Variants in SCYL1 observed in about 807,000 individuals in gnomAD.
SCYL1 encodes the protein N-terminal kinase-like protein.
Under a neutral mutation model 94.8 loss-of-function variants are expected in SCYL1, and 85 were observed. The ratio of observed to expected loss-of-function variants is 0.90; its 90% CI spans 0.75 to 1.07. SCYL1 has a LOEUF of 1.07. Ranked by LOEUF, SCYL1 falls within the 50% of genes least tolerant of loss-of-function variation. The probability of loss-of-function intolerance (pLI) is 0.00; values close to 1 mark genes in which losing one functional copy is unlikely to be tolerated. For synonymous variants in SCYL1, 459 were observed against 435.5 expected, an observed-to-expected ratio of 1.05 and a Z score of -0.67; for missense variants, 968 against 1,083.3, an observed-to-expected ratio of 0.89 and a Z score of 1.49.
intron 13 of SCYL1, 27 bp from the exon 14 acceptor site, chr11:65,536,959 A>G (rs1304388324): frequency 6.3e-7 from 1 of 1,595,610 alleles, no homozygotes; most frequent in African/African-American, 1.3e-5. Flanking sequence ...GACCCCCCTG[A>G]AAGCTCAGTG....
chr11:65,525,358 C>A, intron 1 of SCYL1, 94 bp downstream of exon 1: 1 of 1,127,588 alleles, frequency 8.9e-7, no homozygotes. Flanking sequence ...CCTGACGTGG[C>A]GGCGGAACCA....
chr11:65,528,003 G>C (rs954134785), intron 6 of SCYL1, among the ~76,000 whole-genome samples: 2 of 152,206 alleles, frequency 1.3e-5, no homozygotes, highest in Non-Finnish European at 2.9e-5. Context: ...GTAACACCCT[G>C]TACTGGCTGC....
rs1226628832 is a variant in SCYL1, at chr11:65,525,105, C to A, written c.-49C>A. 7.3e-6 allele frequency: 9 copies of A among 1,236,504 alleles called. No individual in the cohort carries two copies. In the African/African-American group the frequency reaches 8.0e-5, roughly 11 times the overall value. The allele number at this position is 1,236,504 out of a possible 1,614,324, so 76.6% of individuals were successfully genotyped here. A position where few individuals can be genotyped will look rare whatever the true frequency, so the allele number is the denominator to read the frequency against. ...TCCGCCCCGCCCCGGCTCGGGCGGC[C>A]GGAGGACCCGGAGCTAAGGCGCCCG... On this transcript the variant is annotated 5_prime_UTR_variant, in exon 1 of 18. Transcript: ENST00000270176.
At chr11:65,533,693 TAGCTTGAGCCCAGG>T (rs1271762875) in intron 9 of SCYL1, among the ~76,000 whole-genome samples, 3 of 152,118 alleles carry the variant, frequency 2.0e-5, no homozygotes, top group African/African-American at 7.2e-5. Context: ...GGCAGGTAGG[TAGCTTGAGCCCAGG>T]AGGTTGAGGC....
intron 8 of SCYL1, among the ~76,000 whole-genome samples, chr11:65,532,363 T>G (rs1403310585): frequency 6.6e-6 from 1 of 151,252 alleles, no homozygotes; most frequent in Non-Finnish European, 1.5e-5. Context: ...AGGCAGAGGT[T>G]TCAGTGAGCT....
chr11:65,536,147 G>T lies in SCYL1; in HGVS notation c.1575+6G>T. On this transcript the variant is annotated splice_donor_region_variant and intron_variant, in intron 11 of 17. Coordinates refer to ENST00000270176, the MANE Select transcript of SCYL1 (RefSeq NM_020680.4). Reference sequence around the variant, plus strand: ...AGAAATCCGTGCGAGACCAGGTGAGGCACAGCTGGGCCTGGGCCCTGGGCT... The same window carrying T: ...AGAAATCCGTGCGAGACCAGGTGAGTCACAGCTGGGCCTGGGCCCTGGGCT... The T allele has an allele frequency of 6.2e-7, 1 of 1,611,902 alleles. No individual in the cohort carries two copies. The highest frequency in any genetic ancestry group is 8.5e-7 in the Non-Finnish European group (1 of 1,178,558).
At chr11:65,537,319 C>T (rs1445127766) in intron 14 of SCYL1, among the ~76,000 whole-genome samples, 191 bp downstream of exon 14, 1 of 152,202 alleles carries the variant, frequency 6.6e-6, no homozygotes, top group Non-Finnish European at 1.5e-5. Context: ...CCCAGCGGCC[C>T]CAGGGAGCAG....
At chr11:65,536,193 C>T in intron 11 of SCYL1, 52 bp downstream of exon 11, 1 of 1,605,416 alleles carries the variant, frequency 6.2e-7, no homozygotes, top group South Asian at 1.1e-5. Flanking sequence ...GGGATGTCAG[C>T]CCCTAGCTGG....
intron 7 of SCYL1, 112 bp from the exon 8 acceptor site, chr11:65,531,464 C>T (rs183677170): frequency 1.2e-5 from 9 of 757,798 alleles, no homozygotes; most frequent in Non-Finnish European, 1.8e-5. Flanking sequence ...CTGCCCCCCC[C>T]TCCGCCATCA....
chr11:65,536,555 A>C (rs1855652587), intron 12 of SCYL1, 31 bp from the exon 13 acceptor site: 8 of 1,612,632 alleles, frequency 5.0e-6, no homozygotes, highest in Non-Finnish European at 6.8e-6. Flanking sequence ...TGACGTGCCC[A>C]TACCCACCTC....
chr11:65,525,405 A>G (rs1194996477), intron 1 of SCYL1, 141 bp downstream of exon 1: 3 of 1,049,628 alleles, frequency 2.9e-6, no homozygotes, highest in African/African-American at 3.3e-5. Context: ...GGCAGTGCCT[A>G]CGTGGCGGGC....
intron 17 of SCYL1, 23 bp downstream of exon 17, chr11:65,538,347 C>A: frequency 1.3e-6 from 2 of 1,543,228 alleles, no homozygotes; most frequent in African/African-American, 2.7e-5. Flanking sequence ...CCTGGGTGGG[C>A]TGAAGACTAG....
chr11:65,531,465 T>C (rs1366557190), intron 7 of SCYL1, 111 bp from the exon 8 acceptor site: 13 of 741,256 alleles, frequency 1.8e-5, no homozygotes, highest in Non-Finnish European at 2.6e-5. Context: ...TGCCCCCCCC[T>C]CCGCCATCAC....
rs776829093 is a variant in SCYL1 at position 65,531,683 on chromosome 11, G to C, written c.1116G>C (p.Gln372His). 4 of 1,609,792 alleles carry C rather than the reference G, an allele frequency of 2.5e-6. No homozygotes were observed. In the South Asian group the frequency reaches 4.4e-5, roughly 18 times the overall value. Residue 372 changes from glutamine to histidine, a missense_variant and splice_region_variant, in exon 8 of 18, where the codon CAG becomes CAC. Physicochemically the swap from Gln to His is conservative, Grantham distance 24. Around this residue, in one of 2 missense-constraint regions of SCYL1, gnomAD observed 494 missense variants for 619.7 expected, o/e 0.80. Coordinates refer to ENST00000270176, the MANE Select transcript of SCYL1 (RefSeq NM_020680.4). ...CCATGCGCATCCGCCTCCTGCAGCA[G>C]GTGAGGCCTCTGTACCAGACTCTGT... ...DRAMRIRLLQ[Q>H]MEQFIQYLDE... is the part of the protein sequence containing the mutation.
At chr11:65,535,815 C>A (rs1855608123) in intron 10 of SCYL1, 138 bp from the exon 11 acceptor site, 1 of 848,002 alleles carries the variant, frequency 1.2e-6, no homozygotes. Context: ...GGTCAACTCT[C>A]CCCATTTAAG....
At chr11:65,525,457 C>T in intron 1 of SCYL1, 117 bp from the exon 2 acceptor site, 3 of 1,313,526 alleles carry the variant, frequency 2.3e-6, no homozygotes, top group South Asian at 1.5e-5. Context: ...GCCGGGGTCA[C>T]GTGGGCCCGG....
Position 65,536,629 on chromosome 11 carries a change from C to G in SCYL1, c.1695C>G (p.Ala565=). Residue 565 remains alanine (A), a synonymous_variant, in exon 13 of 18, where the codon GCC becomes GCG. Transcript: ENST00000270176. The stretch of plus-strand genomic sequence containing the variant: ...CCTCCAGCCCTGGCATGGGAGGAGC[C>G]GCAGCTAGCTGGGCAGGCTGGGCCG... ...HAASSPGMGG[A]AASWAGWAVT... is the part of the protein sequence containing the mutation. 1 of 1,614,058 alleles carries G rather than the reference C, an allele frequency of 6.2e-7. No homozygotes were observed. The highest frequency in any genetic ancestry group is 2.2e-5 in the East Asian group (1 of 44,876).
chr11:65,538,210 T>C, intron 16 of SCYL1, 28 bp downstream of exon 16: 1 of 1,561,430 alleles, frequency 6.4e-7, no homozygotes, highest in Non-Finnish European at 8.7e-7. Context: ...GGCGAGAGGG[T>C]AGAGATGGTG....
In SCYL1 at chr11:65,536,054, C is replaced by A. The variant is rs767734317; in HGVS notation, c.1488C>A (p.Asn496Lys). Residue 496 changes from asparagine to lysine, a missense_variant, in exon 11 of 18, where the codon AAC (asparagine) becomes AAA (lysine). Around this residue, in one of 2 missense-constraint regions of SCYL1, gnomAD observed 474 missense variants for 463.6 expected, o/e 1.02. Coordinates refer to ENST00000270176, the MANE Select transcript of SCYL1 (RefSeq NM_020680.4). The part of the protein sequence containing the change: ...AGVLGFAATH[N>K]LYSMNDCAQK... ...TCCTGGGCTTTGCTGCCACCCACAA[C>A]CTCTACTCAATGAACGACTGTGCCC... 1 of 1,614,242 alleles carries A rather than the reference C, an allele frequency of 6.2e-7. No homozygotes were observed. Among genetic ancestry groups the A allele is most frequent in the East Asian group, 2.2e-5 (1 of 44,886 alleles).
Sources: allele counts gnomAD v4.1 joint callset (sites outside exome capture counted in the v4.1 genomes callset), GRCh38; gene constraint gnomAD v4.1.1; regional missense constraint gnomAD v4.1.1; transcripts MANE v1.5; gene names NCBI Gene and HGNC (gene_info 2026-07-23, HGNC 2026-07-21).